Variants in SUGCT observed in about 807,000 individuals in gnomAD.
The protein encoded by SUGCT is succinyl-CoA:glutarate-CoA transferase.
Under a neutral mutation model 55.0 loss-of-function variants are expected in SUGCT, and 41 were observed. That is an observed-to-expected ratio of 0.74 (90% CI 0.58 to 0.97). The LOEUF (loss-of-function observed/expected upper bound fraction) is 0.97. SUGCT is among the 50% of genes least tolerant of loss of function. The pLI is 0.00. For missense variants in SUGCT, 568 were observed against 547.8 expected, an observed-to-expected ratio of 1.04 and a Z score of -0.37; for synonymous variants, 187 against 200.4, an observed-to-expected ratio of 0.93 and a Z score of 0.56.
At chr7:40,378,293 G>A (rs1048742698) in intron 9 of SUGCT, among the ~76,000 whole-genome samples, 36 of 152,002 alleles carry the variant, frequency 2.4e-4, no homozygotes, top group African/African-American at 6.8e-4. Context: ...CTGAGGATCT[G>A]TCAGTTTTTC....
chr7:40,914,282 T>TTCTTTTC, the SUGCT span, among the ~76,000 whole-genome samples: 8 of 150,736 alleles, frequency 5.3e-5, no homozygotes, highest in African/African-American at 1.7e-4. Context: ...CTTTTTCTTT[T>TTCTTTTC]TTTTTTTTAT....
chr7:40,257,544 G>A (rs183805506), intron 7 of SUGCT, among the ~76,000 whole-genome samples: 138 of 152,240 alleles, frequency 9.1e-4, no homozygotes, highest in African/African-American at 3.0e-3. Flanking sequence ...TAAAGTAAAT[G>A]TTAATATAAA....
At chr7:40,534,749 C>T (rs1794273046) in intron 12 of SUGCT, among the ~76,000 whole-genome samples, 1 of 152,162 alleles carries the variant, frequency 6.6e-6, no homozygotes, top group Non-Finnish European at 1.5e-5. Flanking sequence ...TTCTGATTTC[C>T]AGTAATTTCC....
chr7:40,151,386 C>T (rs1484021612), intron 1 of SUGCT, among the ~76,000 whole-genome samples: 2 of 152,238 alleles, frequency 1.3e-5, no homozygotes, highest in Middle Eastern at 6.3e-3. Flanking sequence ...ATCTGTGTGG[C>T]AGCTGGACAT....
At chr7:40,278,395 A>G (rs978366054) in intron 8 of SUGCT, among the ~76,000 whole-genome samples, 1 of 152,174 alleles carries the variant, frequency 6.6e-6, no homozygotes, top group Non-Finnish European at 1.5e-5. Context: ...AGGACTAGAA[A>G]TACCATTTGA....
chr7:40,712,745 A>G (rs899132007), intron 12 of SUGCT, among the ~76,000 whole-genome samples: 3 of 152,236 alleles, frequency 2.0e-5, no homozygotes, highest in African/African-American at 7.2e-5. Context: ...ACCTGAGGCC[A>G]CAGGGGGCCC....
At chr7:40,514,190 C>G (rs549907612) in intron 12 of SUGCT, among the ~76,000 whole-genome samples, 46 of 151,756 alleles carry the variant, frequency 3.0e-4, no homozygotes, top group Non-Finnish European at 5.2e-4. Context: ...AAAGAAGATG[C>G]CTTAAATTGA....
intron 8 of SUGCT, among the ~76,000 whole-genome samples, chr7:40,294,593 G>A (rs1562654221): frequency 6.6e-6 from 1 of 152,102 alleles, no homozygotes; most frequent in African/African-American, 2.4e-5. Context: ...ACCCAGGCTG[G>A]AGTGCAGTGG....
Position 40,409,705 on chromosome 7 carries a change from A to AT in SUGCT, c.817-39569dup, listed in dbSNP as rs111917936. 4.0e-3 allele frequency among the ~76,000 whole-genome samples: 565 copies of AT among 142,146 alleles called. 3 individuals carry two copies. Among genetic ancestry groups the AT allele is most frequent in the Middle Eastern group, 0.015 (4 of 270 alleles). The allele number at this position is 142,146 out of a possible 152,430, so 93.3% of individuals were successfully genotyped here. A position where few individuals can be genotyped will look rare whatever the true frequency, so the allele number is the denominator to read the frequency against. On this transcript the variant is annotated intron_variant, in intron 9 of 13. Coordinates refer to ENST00000335693, the MANE Select transcript of SUGCT (RefSeq NM_001193313.2). ...TGTTTCCTGTGTATTATTTTGGATA[A>AT]TTTTTTTTTTTTTGAGACAGAGTTT...
intron 6 of SUGCT, among the ~76,000 whole-genome samples, chr7:40,215,972 T>C (rs939176535): frequency 7.2e-5 from 11 of 152,204 alleles, no homozygotes; most frequent in African/African-American, 2.7e-4. Flanking sequence ...TGTTTCTCTA[T>C]TGGTAAGTAG....
chr7:40,401,940 A>G (rs1014838467), intron 9 of SUGCT, among the ~76,000 whole-genome samples: 9 of 152,236 alleles, frequency 5.9e-5, no homozygotes, highest in African/African-American at 1.9e-4. Context: ...AAATGCTCCA[A>G]ATTTCTCTCT....
At chr7:40,502,933 C>T (rs534578829) in intron 12 of SUGCT, among the ~76,000 whole-genome samples, 31 of 152,192 alleles carry the variant, frequency 2.0e-4, no homozygotes, top group East Asian at 5.8e-4. Context: ...ATATGGAGTA[C>T]GTAATTAGCA....
At chr7:40,536,277 T>A (rs1028132341) in intron 12 of SUGCT, among the ~76,000 whole-genome samples, 5 of 152,126 alleles carry the variant, frequency 3.3e-5, no homozygotes, top group Non-Finnish European at 5.9e-5. Context: ...TGGAATAAGA[T>A]CTTGAACTTG....
At position 40,727,160 on chromosome 7, in the gene SUGCT, C is replaced by T. The variant is rs528283633; in HGVS notation, c.1090-22274C>T. ...AAGGATTTCTTGACCTGTGAGATTT[C>T]CTTTTTTTGCCTTTCACGGTACACT... On this transcript the variant is annotated intron_variant, in intron 12 of 13. Coordinates refer to ENST00000335693, the MANE Select transcript of SUGCT (RefSeq NM_001193313.2). Among the ~76,000 whole-genome samples, 3 of 152,278 alleles carry T rather than the reference C, an allele frequency of 2.0e-5. No homozygotes were observed. The East Asian group carries it at 5.8e-4, about 29-fold the overall frequency.
chr7:41,036,374 T>C, the SUGCT span, among the ~76,000 whole-genome samples: 1 of 152,194 alleles, frequency 6.6e-6, no homozygotes, highest in African/African-American at 2.4e-5. Context: ...AAGAGCATGA[T>C]ATTACAAGAC....
chr7:40,580,909 A>G (rs1040270212), intron 12 of SUGCT, among the ~76,000 whole-genome samples: 1 of 152,186 alleles, frequency 6.6e-6, no homozygotes, highest in Non-Finnish European at 1.5e-5. Flanking sequence ...TCATCTATTA[A>G]TAGATTTGTG....
At chr7:41,029,417 AC>A in the SUGCT span, among the ~76,000 whole-genome samples, 2 of 151,846 alleles carry the variant, frequency 1.3e-5, no homozygotes, top group Non-Finnish European at 2.9e-5. Flanking sequence ...GTGTTGTCAC[AC>A]CCCCTCCACC....
intron 12 of SUGCT, among the ~76,000 whole-genome samples, chr7:40,737,801 G>C (rs549024546): frequency 3.9e-5 from 6 of 152,260 alleles, no homozygotes; most frequent in African/African-American, 1.4e-4. Flanking sequence ...GCGGGCGCCT[G>C]TAATCCCAGC....
chr7:40,972,039 A>G, the SUGCT span, among the ~76,000 whole-genome samples: 9 of 152,182 alleles, frequency 5.9e-5, no homozygotes, highest in African/African-American at 2.2e-4. Context: ...CTTTTTTGGT[A>G]TGGAACCATG....
Sources: allele counts gnomAD v4.1 joint callset (sites outside exome capture counted in the v4.1 genomes callset), GRCh38; gene constraint gnomAD v4.1.1; transcripts MANE v1.5; gene names NCBI Gene and HGNC (gene_info 2026-07-23, HGNC 2026-07-21).